TMEM26: variants seen among roughly 807,000 people sequenced by gnomAD.
TMEM26 encodes transmembrane protein 26.
Under a neutral mutation model 28.8 loss-of-function variants are expected in TMEM26, and 38 were observed. The ratio of observed to expected loss-of-function variants is 1.32; its 90% CI spans 1.02 to 1.73. TMEM26 has a LOEUF of 1.73. Ranked by LOEUF, TMEM26 falls within the 40% of genes most tolerant of loss-of-function variation. TMEM26 has a pLI of 0.00. For synonymous variants in TMEM26, 227 were observed against 182.9 expected, an observed-to-expected ratio of 1.24 and a Z score of -1.95; for missense variants, 518 against 447.1, an observed-to-expected ratio of 1.16 and a Z score of -1.43.
intron 4 of TMEM26, among the ~76,000 whole-genome samples, chr10:61,420,944 T>A (rs1267144337): frequency 6.6e-6 from 1 of 151,844 alleles, no homozygotes; most frequent in Non-Finnish European, 1.5e-5. Flanking sequence ...CCTTAAAAGA[T>A]TATATAGAAC....
chr10:61,452,361 G>C (rs1358134994), intron 1 of TMEM26, among the ~76,000 whole-genome samples: 2 of 152,370 alleles, frequency 1.3e-5, no homozygotes, highest in East Asian at 3.9e-4. Flanking sequence ...GACGCGCGCG[G>C]CTGGAGGGAA....
intron 1 of TMEM26, among the ~76,000 whole-genome samples, chr10:61,438,958 T>C (rs1446700491): frequency 6.6e-6 from 1 of 152,174 alleles, no homozygotes; most frequent in Non-Finnish European, 1.5e-5. Context: ...AGGAATCATA[T>C]TGAGGGCCCA....
intron 1 of TMEM26, among the ~76,000 whole-genome samples, chr10:61,443,649 A>G (rs967487266): frequency 2.0e-5 from 3 of 152,228 alleles, no homozygotes; most frequent in African/African-American, 7.2e-5. Context: ...CAGATTTTGT[A>G]AAGAGAAGAT....
intron 5 of TMEM26, among the ~76,000 whole-genome samples, chr10:61,411,063 G>T (rs1839561559): frequency 6.6e-6 from 1 of 152,184 alleles, no homozygotes; most frequent in Non-Finnish European, 1.5e-5. Flanking sequence ...TTGTGAGGCT[G>T]AGGCTGCACC....
intron 2 of TMEM26, among the ~76,000 whole-genome samples, chr10:61,435,547 G>A (rs1347109501): frequency 6.6e-6 from 1 of 152,080 alleles, no homozygotes; most frequent in East Asian, 1.9e-4. Flanking sequence ...TCCACATGGT[G>A]GGTCCCACGA....
At chr10:61,419,002 T>C (rs1056153228) in intron 4 of TMEM26, among the ~76,000 whole-genome samples, 4 of 152,254 alleles carry the variant, frequency 2.6e-5, no homozygotes, top group African/African-American at 7.2e-5. Flanking sequence ...TCTGCCCAAG[T>C]TATTGACTGA....
At chr10:61,413,026 A>G (rs1176597734) in intron 5 of TMEM26, 3 of 1,181,922 alleles carry the variant, frequency 2.5e-6, no homozygotes, top group Non-Finnish European at 3.3e-6. Flanking sequence ...ATTACTTCTT[A>G]CAAATAATAA....
intron 3 of TMEM26, among the ~76,000 whole-genome samples, chr10:61,429,483 G>A (rs1214044456): frequency 6.6e-6 from 1 of 151,744 alleles, no homozygotes; most frequent in Non-Finnish European, 1.5e-5. Flanking sequence ...ATAACACATA[G>A]CAAAGTTTTA....
intron 4 of TMEM26, 64 bp from the exon 5 acceptor site, chr10:61,413,599 T>G: frequency 2.0e-6 from 3 of 1,502,864 alleles, no homozygotes. Flanking sequence ...AAAAGTCTTC[T>G]CAGTCAAGTT....
At chr10:61,450,259 T>A (rs1309200346) in intron 1 of TMEM26, among the ~76,000 whole-genome samples, 2 of 152,196 alleles carry the variant, frequency 1.3e-5, no homozygotes, top group African/African-American at 4.8e-5. Flanking sequence ...CCATAATGTT[T>A]ACTTCATCTC....
At chr10:61,427,218 A>T (rs1004346528) in intron 4 of TMEM26, among the ~76,000 whole-genome samples, 4 of 152,154 alleles carry the variant, frequency 2.6e-5, no homozygotes, top group African/African-American at 9.6e-5. Context: ...ATACATATTT[A>T]TAAAGCATTC....
intron 1 of TMEM26, among the ~76,000 whole-genome samples, chr10:61,449,284 T>C (rs773006937): frequency 2.0e-5 from 3 of 148,136 alleles, no homozygotes; most frequent in African/African-American, 5.0e-5. Flanking sequence ...ACTCCAGGAG[T>C]GCATATTTTT....
chr10:61,453,139 C>A lies in TMEM26; in HGVS notation c.-58G>T, dbSNP rs577426846. On this transcript the variant is annotated 5_prime_UTR_variant, in exon 1 of 6. Coordinates refer to ENST00000399298, the MANE Select transcript of TMEM26 (RefSeq NM_178505.8). ...CCTGCGCCCCCAGGACCCTGCCGGG[C>A]GTGCCCGGAGCCCACCGGTGAGCAG... 5.7e-5 allele frequency: 89 copies of A among 1,565,212 alleles called. No homozygotes were observed. The African/African-American group carries it at 1.1e-3, about 19-fold the overall frequency.
At chr10:61,449,254 A>G (rs1840235038) in intron 1 of TMEM26, among the ~76,000 whole-genome samples, 2 of 142,800 alleles carry the variant, frequency 1.4e-5, no homozygotes, top group African/African-American at 5.3e-5. Flanking sequence ...CAAATTAAAT[A>G]TTAGGTGAAA....
At chr10:61,432,713 C>T (rs777378606) in intron 2 of TMEM26, among the ~76,000 whole-genome samples, 1 of 152,034 alleles carries the variant, frequency 6.6e-6, no homozygotes, top group Non-Finnish European at 1.5e-5. Flanking sequence ...GATACATCGT[C>T]GACTATTCTA....
At chr10:61,417,504 A>G (rs1218286031) in intron 4 of TMEM26, among the ~76,000 whole-genome samples, 1 of 151,712 alleles carries the variant, frequency 6.6e-6, no homozygotes, top group Non-Finnish European at 1.5e-5. Flanking sequence ...CCAGAAAAGG[A>G]AAAAATAATA....
chr10:61,416,193 G>T, intron 4 of TMEM26: 1 of 419,460 alleles, frequency 2.4e-6, no homozygotes, highest in South Asian at 1.7e-5. Context: ...TTTTTCACAA[G>T]ATCTTTTGAA....
At chr10:61,451,801 G>A (rs1209282071) in intron 1 of TMEM26, among the ~76,000 whole-genome samples, 1 of 152,098 alleles carries the variant, frequency 6.6e-6, no homozygotes, top group Non-Finnish European at 1.5e-5. Context: ...ATCTTCAGAG[G>A]CAACATGTTT....
chr10:61,428,881 T>C, intron 4 of TMEM26, 45 bp downstream of exon 4: 1 of 1,543,292 alleles, frequency 6.5e-7, no homozygotes, highest in Non-Finnish European at 8.9e-7. Flanking sequence ...AGGTGCATGG[T>C]CTTGACCCTG....
Sources: allele counts gnomAD v4.1 joint callset (sites outside exome capture counted in the v4.1 genomes callset), GRCh38; gene constraint gnomAD v4.1.1; transcripts MANE v1.5; gene names NCBI Gene and HGNC (gene_info 2026-07-23, HGNC 2026-07-21).